LAD1: variants seen among roughly 807,000 people sequenced by gnomAD.
The protein encoded by LAD1 is ladinin-1.
Under a neutral mutation model 54.2 loss-of-function variants are expected in LAD1, and 53 were observed. The observed-to-expected ratio is 0.98, with a 90% CI of 0.78 to 1.23. The LOEUF (loss-of-function observed/expected upper bound fraction) is 1.23, where lower values mean the gene tolerates loss of function less well. Among genes scored for constraint, LAD1 ranks in the 50% most tolerant of loss-of-function variants. LAD1 has a pLI of 0.00. For missense variants in LAD1, 637 were observed against 653.3 expected (o/e 0.98, Z 0.27); for synonymous variants, 231 against 257.7 (o/e 0.90, Z 0.99).
At position 201,386,845 on chromosome 1, in the gene LAD1, C is replaced by T. The variant is rs138354837; in HGVS notation, c.516G>A (p.Gly172=). 3.6e-5 allele frequency: 58 copies of T among 1,613,402 alleles called. 1 individual carries two copies. The highest frequency in any genetic ancestry group is 3.3e-5 in the South Asian group (3 of 91,006). ...VGREPEERKK[G]VPEKSPVLEK... is the part of the protein sequence containing the mutation. Reference sequence around the variant, plus strand: ...CCAAGACTGGGGACTTTTCTGGAACCCCTTTCTTCCTCTCTTCTGGCTCCC... The same window carrying T: ...CCAAGACTGGGGACTTTTCTGGAACTCCTTTCTTCCTCTCTTCTGGCTCCC... The change falls in exon 3 of 10, where the codon GGG becomes GGA. Residue 172 remains glycine (G), a synonymous_variant. Transcript: ENST00000391967.
At chr1:201,384,614 G>A (rs187078357) in intron 5 of LAD1, 178 bp downstream of exon 5, 106 of 651,384 alleles carry the variant, frequency 1.6e-4, no homozygotes, top group Admixed American at 1.3e-3. Flanking sequence ...ATCTTATCCC[G>A]CCTGAGTTCA....
chr1:201,399,192 G>T (rs887423900), intron 1 of LAD1, 77 bp downstream of exon 1: 42 of 1,207,028 alleles, frequency 3.5e-5, no homozygotes, highest in Non-Finnish European at 4.6e-5. Flanking sequence ...GCGGGGAGGA[G>T]GCCGGTGCCC....
At chr1:201,384,643 C>T (rs1662036585) in intron 5 of LAD1, 149 bp downstream of exon 5, 1 of 764,306 alleles carries the variant, frequency 1.3e-6, no homozygotes, top group Non-Finnish European at 2.3e-6. Flanking sequence ...ATCCCATCCC[C>T]CTGCCAGATC....
At position 201,385,772 on chromosome 1, in the gene LAD1, T is replaced by C. The variant is rs767081159; in HGVS notation, c.1060A>G (p.Met354Val). The change falls in exon 4 of 10, where the codon ATG (methionine) becomes GTG (valine). Residue 354 changes from methionine to valine, a missense_variant. Met to Val is a conservative substitution (Grantham distance 21). Transcript: ENST00000391967. ...KIPSKEEEAD[M>V]SSPTQRTYSS... ...TAGGTTCGCTGTGTGGGTGAGGACATATCTGCCTCTTCCTCCTTGCTGGGG... is the reference window on the plus strand; with the variant it reads ...TAGGTTCGCTGTGTGGGTGAGGACACATCTGCCTCTTCCTCCTTGCTGGGG... 27 of 1,613,996 alleles carry C rather than the reference T, an allele frequency of 1.7e-5. No individual in the cohort carries two copies. Among genetic ancestry groups the C allele is most frequent in the Non-Finnish European group, 2.1e-5 (25 of 1,179,974 alleles).
chr1:201,395,653 G>A (rs574032984), intron 1 of LAD1, among the ~76,000 whole-genome samples: 1 of 152,256 alleles, frequency 6.6e-6, no homozygotes, highest in East Asian at 1.9e-4. Flanking sequence ...AGCTACTCAG[G>A]AGACTGAGGC....
intron 1 of LAD1, among the ~76,000 whole-genome samples, chr1:201,393,902 T>G (rs1571724783): frequency 7.8e-6 from 1 of 129,020 alleles, no homozygotes. Context: ...GTGGAGAAGG[T>G]CTGAGAGGGT....
At chr1:201,395,158 C>T (rs998321885) in intron 1 of LAD1, among the ~76,000 whole-genome samples, 1 of 152,148 alleles carries the variant, frequency 6.6e-6, no homozygotes, top group Non-Finnish European at 1.5e-5. Flanking sequence ...TGACACCTGG[C>T]AAAACATGAG....
At chr1:201,385,896 A>T in intron 3 of LAD1, 91 bp from the exon 4 acceptor site, 1 of 905,320 alleles carries the variant, frequency 1.1e-6, no homozygotes, top group Non-Finnish European at 1.9e-6. Context: ...CAGGAGCTGC[A>T]GGAAGAGGGG....
chr1:201,382,400 G>T, intron 8 of LAD1, 74 bp from the exon 9 acceptor site: 1 of 1,183,718 alleles, frequency 8.4e-7, no homozygotes, highest in Non-Finnish European at 1.3e-6. Flanking sequence ...CCCAGGCCCA[G>T]CTCCCAGCCC....
intron 1 of LAD1, among the ~76,000 whole-genome samples, chr1:201,390,370 C>CAAA (rs34155846): frequency 3.6e-5 from 4 of 112,234 alleles, no homozygotes; most frequent in South Asian, 3.0e-4. Flanking sequence ...ACTAAAAATA[C>CAAA]AAAAAAAAAA....
intron 1 of LAD1, among the ~76,000 whole-genome samples, chr1:201,398,018 G>A (rs1157357210): frequency 1.3e-5 from 2 of 152,070 alleles, no homozygotes; most frequent in Non-Finnish European, 2.9e-5. Flanking sequence ...CCATTCGTGG[G>A]GCTTACCTTT....
At position 201,398,317 on chromosome 1, in the gene LAD1, C is replaced by T. The variant is rs144197695; in HGVS notation, c.38+952G>A. Among the ~76,000 whole-genome samples, 234 of 152,306 alleles carry T rather than the reference C, an allele frequency of 1.5e-3. 3 individuals are homozygous for T. In the East Asian group the frequency reaches 0.022, roughly 14 times the overall value. ...AGAGATAGCCCTGGCTCAGGAAAGGCCAAGACCCAAATGCCCACCTGGGAG... is the reference window on the plus strand; with the variant it reads ...AGAGATAGCCCTGGCTCAGGAAAGGTCAAGACCCAAATGCCCACCTGGGAG... On this transcript the variant is annotated intron_variant, in intron 1 of 9. Coordinates refer to ENST00000391967, the MANE Select transcript of LAD1 (RefSeq NM_005558.4).
At chr1:201,397,395 G>C (rs1322538505) in intron 1 of LAD1, 1 of 152,434 alleles carries the variant, frequency 6.6e-6, no homozygotes, top group Admixed American at 6.5e-5. Context: ...GGGCCCCTGT[G>C]GCAGGACTGT....
intron 8 of LAD1, 128 bp downstream of exon 8, chr1:201,382,505 GCCTCCACTCCTGAAATGACT>G: frequency 2.6e-6 from 2 of 755,040 alleles, no homozygotes; most frequent in Admixed American, 2.3e-5. Context: ...ATTCCCGACT[GCCTCCACTCCTGAAATGACT>G]CCTCCTCTCC....
intron 1 of LAD1, among the ~76,000 whole-genome samples, chr1:201,393,263 G>A (rs1041748375): frequency 6.6e-6 from 1 of 152,142 alleles, no homozygotes; most frequent in African/African-American, 2.4e-5. Flanking sequence ...ACAGGGGAGT[G>A]AGGGCCCCAG....
chr1:201,382,873 G>T, intron 7 of LAD1, 134 bp from the exon 8 acceptor site: 1 of 957,860 alleles, frequency 1.0e-6, no homozygotes, highest in Non-Finnish European at 1.6e-6. Context: ...ACCTGGGACA[G>T]CCCCCTCCCC....
intron 1 of LAD1, among the ~76,000 whole-genome samples, chr1:201,391,709 C>A (rs1009247789): frequency 6.6e-6 from 1 of 152,158 alleles, no homozygotes. Flanking sequence ...CGGGCTGCAT[C>A]TCAGTGAACA....
At position 201,382,234 on chromosome 1, in the gene LAD1, C is replaced by A. The variant is rs908532646; in HGVS notation, c.1548+18G>T. 11 of 1,606,990 alleles carry A rather than the reference C, an allele frequency of 6.8e-6. No individual in the cohort carries two copies. Among genetic ancestry groups the A allele is most frequent in the African/African-American group, 1.3e-5 (1 of 74,816 alleles). The stretch of plus-strand genomic sequence containing the variant: ...CGTGGCCCTCCGCCGTAGGGCCAGG[C>A]TCCTCCCCACCATTCACCTCAGCGT... On this transcript the variant is annotated intron_variant, in intron 9 of 9. Transcript: ENST00000391967.
Position 201,388,660 on chromosome 1 carries a change from C to T in LAD1, c.182+500G>A, listed in dbSNP as rs1351340961. ...ATCGCGCCACTGCACTCCAGCCTAG[C>T]GACACAGCGAGACTTCGTCTCAAAA... On this transcript the variant is annotated intron_variant, in intron 2 of 9. Transcript: ENST00000391967. Among the ~76,000 whole-genome samples the T allele has an allele frequency of 4.1e-5, 6 of 144,676 alleles. No individual in the cohort carries two copies. In the South Asian group the frequency reaches 6.4e-4, roughly 16 times the overall value. The allele number at this position is 144,676 out of a possible 152,430, so 94.9% of individuals were successfully genotyped here.
Sources: gnomAD v4.1 joint callset for allele counts (sites outside exome capture counted in the v4.1 genomes callset) on GRCh38, gnomAD v4.1.1 for gene constraint, MANE v1.5 for transcripts, NCBI Gene and HGNC (gene_info 2026-07-23, HGNC 2026-07-21) for gene names.